RYR2: variants seen among roughly 807,000 people sequenced by gnomAD.
The protein encoded by RYR2 is cardiac muscle ryanodine receptor-calcium release channel.
In RYR2, 227 loss-of-function variants were observed where a neutral mutation model predicts 601.1. The ratio of observed to expected loss-of-function variants is 0.38; its 90% CI spans 0.34 to 0.42. RYR2 has a LOEUF of 0.42. Ranked by LOEUF, RYR2 falls within the 10% of genes least tolerant of loss-of-function variation. The pLI, the probability that RYR2 is intolerant of heterozygous loss-of-function variation, is 1.00. For missense variants in RYR2, 4,646 were observed against 6,156.5 expected (o/e 0.75, Z 8.21); for synonymous variants, 2,223 against 2,175.1 (o/e 1.02, Z -0.61).
intron 100 of RYR2, among the ~76,000 whole-genome samples, chr1:237,810,789 A>C (rs1416325176): frequency 6.6e-6 from 1 of 152,198 alleles, no homozygotes; most frequent in East Asian, 1.9e-4. Context: ...ATGTATACAG[A>C]TATGGAGAGA....
At chr1:237,751,064 T>C (rs1456089575) in intron 80 of RYR2, among the ~76,000 whole-genome samples, 2 of 152,218 alleles carry the variant, frequency 1.3e-5, no homozygotes, top group Non-Finnish European at 2.9e-5. Flanking sequence ...ATCCAATCTA[T>C]GATCAAAGTT....
At position 237,641,485 on chromosome 1, in the gene RYR2, C is replaced by CTTTCTTTCTT. The variant is rs1553264981; in HGVS notation, c.7221+485_7221+494dup. 4.3e-3 allele frequency among the ~76,000 whole-genome samples: 308 copies of CTTTCTTTCTT among 72,250 alleles called. 5 individuals are homozygous for CTTTCTTTCTT. Among genetic ancestry groups the CTTTCTTTCTT allele is most frequent in the African/African-American group, 8.6e-3 (213 of 24,850 alleles). The allele number at this position is 72,250 out of a possible 152,430, so 47.4% of individuals were successfully genotyped here. ...AGTGTCTGTCTGTCTTTCTTTCTTT[C>CTTTCTTTCTT]TTTCTTTCTTTCTTTCTTTCTTTCT... On this transcript the variant is annotated intron_variant, in intron 47 of 104. Transcript: ENST00000366574.
rs1056855856 is a variant in RYR2 at position 237,565,549 on chromosome 1, A to T, written c.3215-1018A>T. On this transcript the variant is annotated intron_variant, in intron 27 of 104. Coordinates refer to ENST00000366574, the MANE Select transcript of RYR2 (RefSeq NM_001035.3). ...TGTGAGCCACCACACCTGGCTGAAA[A>T]CTAGCATTTAACCAGTAACTAGTAA... 2.6e-5 allele frequency among the ~76,000 whole-genome samples: 4 copies of T among 152,096 alleles called. No individual in the cohort carries two copies. In the South Asian group the frequency reaches 8.3e-4, roughly 32 times the overall value.
chr1:237,658,154 C>A (rs1347244384), intron 54 of RYR2, 132 bp downstream of exon 54: 4 of 459,676 alleles, frequency 8.7e-6, no homozygotes. Context: ...TACTTAATTA[C>A]AATTAGCTTA....
chr1:237,043,147 G>T (rs567934136), intron 1 of RYR2, among the ~76,000 whole-genome samples: 1 of 152,356 alleles, frequency 6.6e-6, no homozygotes, highest in South Asian at 2.1e-4. Flanking sequence ...AGGACGCTGC[G>T]CGGAGGTTTC....
intron 10 of RYR2, among the ~76,000 whole-genome samples, chr1:237,409,193 T>A (rs7556153): frequency 0.81 from 123,560 of 151,872 alleles, 50,919 homozygotes; most frequent in East Asian, 1. Flanking sequence ...AGAACTTCTG[T>A]TACAGTCTTG....
Position 237,062,645 on chromosome 1 carries a change from T to G in RYR2, c.48+20076T>G, listed in dbSNP as rs918249727. Among the ~76,000 whole-genome samples the G allele has an allele frequency of 3.8e-4, 58 of 152,218 alleles. 1 individual carries two copies. Among genetic ancestry groups the G allele is most frequent in the Non-Finnish European group, 1.3e-4 (9 of 68,038 alleles). On this transcript the variant is annotated intron_variant, in intron 1 of 104. Transcript: ENST00000366574. The stretch of plus-strand genomic sequence containing the variant: ...TCTTTTGGATTTTCTATATGCCCAG[T>G]CATGTCATCTGTACATACTGACCAT...
intron 1 of RYR2, among the ~76,000 whole-genome samples, chr1:237,081,683 G>T (rs1191828473): frequency 2.6e-5 from 4 of 151,902 alleles, no homozygotes; most frequent in Non-Finnish European, 5.9e-5. Flanking sequence ...GACCCATCCA[G>T]CTGGAAAGAT....
At chr1:237,464,279 T>C (rs892368463) in intron 16 of RYR2, among the ~76,000 whole-genome samples, 11 of 152,206 alleles carry the variant, frequency 7.2e-5, no homozygotes, top group Admixed American at 6.5e-5. Flanking sequence ...ACTTCCGTGC[T>C]TTTTTATTGT....
chr1:237,053,864 C>T (rs1661601696), intron 1 of RYR2, among the ~76,000 whole-genome samples: 1 of 152,146 alleles, frequency 6.6e-6, no homozygotes, highest in African/African-American at 2.4e-5. Context: ...GGCAGCATTT[C>T]CAGTCACAGA....
chr1:237,117,040 G>C (rs1023065786), intron 1 of RYR2, among the ~76,000 whole-genome samples: 1 of 152,142 alleles, frequency 6.6e-6, no homozygotes, highest in African/African-American at 2.4e-5. Flanking sequence ...GTGAGCTAAT[G>C]GTCTGAGCTC....
At chr1:237,400,697 C>A (rs1300475136) in intron 10 of RYR2, among the ~76,000 whole-genome samples, 1 of 151,940 alleles carries the variant, frequency 6.6e-6, no homozygotes. Flanking sequence ...TTCACACCAA[C>A]CTCCCCACTC....
intron 10 of RYR2, among the ~76,000 whole-genome samples, chr1:237,389,673 T>C (rs1052337172): frequency 9.8e-5 from 15 of 152,296 alleles, no homozygotes; most frequent in African/African-American, 3.4e-4. Context: ...CATCTTTTTT[T>C]CTGCCTCAGG....
intron 76 of RYR2, 33 bp downstream of exon 76, chr1:237,727,232 A>G (rs770568043): frequency 7.4e-6 from 8 of 1,078,140 alleles, no homozygotes; most frequent in Middle Eastern, 2.1e-4. Context: ...TAATAGATCA[A>G]TGTTATTTTT....
At chr1:237,149,337 A>C (rs1479540424) in intron 1 of RYR2, among the ~76,000 whole-genome samples, 1 of 146,464 alleles carries the variant, frequency 6.8e-6, no homozygotes, top group African/African-American at 2.5e-5. Context: ...AAAACCAAAA[A>C]CAAACAAAAA....
At chr1:237,772,654 CT>C (rs568446894) in intron 86 of RYR2, among the ~76,000 whole-genome samples, 1 of 152,090 alleles carries the variant, frequency 6.6e-6, no homozygotes, top group Non-Finnish European at 1.5e-5. Context: ...CCCTGTACAA[CT>C]TTTTTCCCCT....
Position 237,593,606 on chromosome 1 carries a change from TAGG to T in RYR2, c.4409_4411del (p.Gly1470del). On this transcript the variant is annotated inframe_deletion, in exon 33 of 105. Transcript: ENST00000366574. ...AGAGTTCGCACAGTAACAGTTACTC[TAGG>T]AGATGAAAAAGGAAAAGTGCATGAA... 1 of 1,613,900 alleles carries T rather than the reference TAGG, an allele frequency of 6.2e-7. No homozygotes were observed. The highest frequency in any genetic ancestry group is 8.5e-7 in the Non-Finnish European group (1 of 1,179,836).
chr1:237,397,336 A>T (rs938204530), intron 10 of RYR2, among the ~76,000 whole-genome samples: 2 of 152,206 alleles, frequency 1.3e-5, no homozygotes, highest in Non-Finnish European at 1.5e-5. Context: ...AGCCGATATG[A>T]GTGACTGAAG....
At chr1:237,259,569 AT>A (rs1688323981) in intron 1 of RYR2, among the ~76,000 whole-genome samples, 4 of 150,750 alleles carry the variant, frequency 2.7e-5, no homozygotes, top group African/African-American at 9.8e-5. Flanking sequence ...GTCACCTTGT[AT>A]AAAACCACAC....
Sources: allele counts gnomAD v4.1 joint callset (sites outside exome capture counted in the v4.1 genomes callset), GRCh38; gene constraint gnomAD v4.1.1; transcripts MANE v1.5; gene names NCBI Gene and HGNC (gene_info 2026-07-23, HGNC 2026-07-21).